Variants in POLG observed in about 807,000 individuals in gnomAD.
POLG encodes DNA polymerase gamma, catalytic subunit.
Under a neutral mutation model 155.4 loss-of-function variants are expected in POLG, and 110 were observed. The ratio of observed to expected loss-of-function variants is 0.71; its 90% CI spans 0.61 to 0.83. The LOEUF is 0.83. POLG is among the 40% of genes least tolerant of loss of function. POLG has a pLI of 0.00. For missense variants in POLG, 1,685 were observed against 1,627.5 expected (o/e 1.04, Z -0.61); for synonymous variants, 701 against 631.5 (o/e 1.11, Z -1.65).
chr15:89,331,323 T>C (rs900117119), intron 2 of POLG, among the ~76,000 whole-genome samples: 3 of 149,620 alleles, frequency 2.0e-5, no homozygotes, highest in African/African-American at 7.3e-5. Flanking sequence ...TAATTCAGCA[T>C]GTCAAAGCCC....
In POLG at chr15:89,325,163, T is replaced by A. The variant is rs867550474; in HGVS notation, c.1949+287A>T. Among the ~76,000 whole-genome samples, 105 of 48,136 alleles carry A rather than the reference T, an allele frequency of 2.2e-3. 11 individuals carry two copies. Among genetic ancestry groups the A allele is most frequent in the South Asian group, 5.2e-3 (7 of 1,348 alleles). The allele number at this position is 48,136 out of a possible 152,430, so 31.6% of individuals were successfully genotyped here. A position where few individuals can be genotyped will look rare whatever the true frequency, so the allele number is the denominator to read the frequency against. ...GTGAGAGAGTGAGTGAGTGAGTGAG[T>A]GAGTGAGAGAGTGAGAGAGTGAGTG... is the stretch of plus-strand genomic sequence containing the variant. On this transcript the variant is annotated intron_variant, in intron 10 of 22. Transcript: ENST00000268124.
rs147407423 is a variant in POLG, at chr15:89,325,562, G to A, written c.1837C>T (p.His613Tyr). The change falls in exon 10 of 23, where the codon CAC becomes TAC. Residue 613 changes from histidine to tyrosine, a missense_variant. This residue lies in a region of POLG where 1,210 missense variants were observed against 1,167.1 expected (regional missense o/e 1.04). Coordinates refer to ENST00000268124, the MANE Select transcript of POLG (RefSeq NM_002693.3). Reference protein sequence around the residue: ...MALTWDGFPLHYSERHGWGYL... With the variant: ...MALTWDGFPLYYSERHGWGYL... The stretch of plus-strand genomic sequence containing the variant: ...CCCCAGCCATGACGCTCTGAGTAGT[G>A]CAGAGGGAAGCCATCCCAGGTAAGT... 475 of 1,613,624 alleles carry A rather than the reference G, an allele frequency of 2.9e-4. 1 individual carries two copies. The African/African-American group carries it at 4.6e-3, about 16-fold the overall frequency.
At chr15:89,322,637 G>C (rs1204811515) in intron 14 of POLG, 105 bp downstream of exon 14, 7 of 1,280,902 alleles carry the variant, frequency 5.5e-6, no homozygotes, top group African/African-American at 2.9e-5. Flanking sequence ...CAGGCCTCTA[G>C]ACCATAGTCA....
chr15:89,333,450 C>T lies in POLG; in HGVS notation c.305G>A (p.Arg102His). The part of the protein sequence containing the change: ...GEMPGEAAVR[R>H]SVEHLQKHGL... ...GTGCTTCTGCAGGTGCTCGACGCTG[C>T]GGCGCACCGCGGCCTCGCCAGGCAT... is the stretch of plus-strand genomic sequence containing the variant. Residue 102 changes from arginine to histidine, a missense_variant, in exon 2 of 23, where the codon CGC becomes CAC. By Grantham distance (29) the Arg-to-His change is conservative (BLOSUM62 0). Transcript: ENST00000268124. 6.2e-7 allele frequency: 1 copy of T among 1,610,258 alleles called. No homozygotes were observed.
At position 89,327,014 on chromosome 15, in the gene POLG, A is replaced by G; in HGVS notation, c.1483T>C (p.Phe495Leu). ...LWDLEWDLQEFKQKKAKKVKK... is the reference protein window; with the variant it reads ...LWDLEWDLQELKQKKAKKVKK... Reference sequence around the variant, plus strand: ...ACCTTCTTAGCTTTCTTCTGCTTAAATTCTTGCAGGTCCCACTCCAGGTCC... The same window carrying G: ...ACCTTCTTAGCTTTCTTCTGCTTAAGTTCTTGCAGGTCCCACTCCAGGTCC... The change falls in exon 8 of 23, where the codon TTT becomes CTT. Residue 495 changes from phenylalanine (F) to leucine (L), a missense_variant. By Grantham distance (22) the Phe-to-Leu change is conservative. Transcript: ENST00000268124. 6.2e-7 allele frequency: 1 copy of G among 1,614,136 alleles called. No individual in the cohort carries two copies. The highest frequency in any genetic ancestry group is 8.5e-7 in the Non-Finnish European group (1 of 1,180,018).
intron 10 of POLG, among the ~76,000 whole-genome samples, chr15:89,325,053 T>TGAGAGAGAGA (rs1195443541): frequency 3.4e-5 from 3 of 87,614 alleles, no homozygotes; most frequent in African/African-American, 1.9e-4. Context: ...AGTGAGTGAG[T>TGAGAGAGAGA]GAGAGAGTGA....
At position 89,321,138 on chromosome 15, in the gene POLG, A is replaced by C; in HGVS notation, c.2721T>G (p.Phe907Leu). Residue 907 changes from phenylalanine (F) to leucine (L), a missense_variant, in exon 17 of 23, where the codon TTT becomes TTG. Around this residue, in one of 3 missense-constraint regions of POLG, gnomAD observed 470 missense variants for 439.9 expected, o/e 1.07. Transcript: ENST00000268124. The part of the protein sequence containing the change: ...WIAAVLGDAH[F>L]AGMHGCTAFG... ...GCTCCTGCTCACCATGCATGCCGGC[A>C]AAGTGGGCGTCTCCAAGCACAGCTG... 2 of 1,614,252 alleles carry C rather than the reference A, an allele frequency of 1.2e-6. No individual in the cohort carries two copies. Among genetic ancestry groups the C allele is most frequent in the Middle Eastern group, 1.6e-4 (1 of 6,062 alleles).
intron 6 of POLG, among the ~76,000 whole-genome samples, chr15:89,327,833 A>G (rs867524521): frequency 3.3e-5 from 5 of 152,200 alleles, no homozygotes; most frequent in Non-Finnish European, 5.9e-5. Flanking sequence ...AGCCTACTCA[A>G]CGTGAAGGAT....
intron 20 of POLG, 66 bp from the exon 21 acceptor site, chr15:89,318,815 A>G (rs1335117883): frequency 6.4e-6 from 10 of 1,556,902 alleles, no homozygotes. Context: ...CCAGGGTAGA[A>G]GCCCCAAGAG....
At chr15:89,324,953 C>G (rs1381367322) in intron 10 of POLG, among the ~76,000 whole-genome samples, 1 of 152,188 alleles carries the variant, frequency 6.6e-6, no homozygotes, top group Non-Finnish European at 1.5e-5. Context: ...GTCCTCCCCA[C>G]TGTGAACATC....
At chr15:89,321,591 A>G in intron 16 of POLG, 145 bp downstream of exon 16, 3 of 783,668 alleles carry the variant, frequency 3.8e-6, no homozygotes, top group Non-Finnish European at 6.8e-6. Context: ...AGAAATCATG[A>G]AGCCAGATTT....
At chr15:89,325,143 AGAGTGAGT>A (rs368838895) in intron 10 of POLG, among the ~76,000 whole-genome samples, 1,859 of 49,026 alleles carry the variant, frequency 0.038, 366 homozygotes, top group African/African-American at 0.097. Flanking sequence ...AGTGAGTGAG[AGAGTGAGT>A]GAGTGAGTGA....
chr15:89,323,870 G>A lies in POLG; in HGVS notation c.2102C>T (p.Ala701Val), dbSNP rs1377392750. The change falls in exon 12 of 23, where the codon GCT (alanine) becomes GTT (valine). Residue 701 changes from alanine (A) to valine (V), a missense_variant. Ala to Val is a moderately conservative substitution (Grantham distance 64). Around this residue, in one of 3 missense-constraint regions of POLG, gnomAD observed 1,210 missense variants for 1,167.1 expected, o/e 1.04. Coordinates refer to ENST00000268124, the MANE Select transcript of POLG (RefSeq NM_002693.3). ...VEELDYLEVE[A>V]EAKMENLRAA... ...TCGCAAGTTCTCCATCTTGGCCTCA[G>A]CCTCCACTTCTAAGTAATCCAGTTC... The A allele has an allele frequency of 2.5e-6, 4 of 1,614,032 alleles. No individual in the cohort carries two copies. Among genetic ancestry groups the A allele is most frequent in the East Asian group, 2.2e-5 (1 of 44,868 alleles).
chr15:89,330,355 G>T, intron 2 of POLG, 79 bp from the exon 3 acceptor site: 1 of 1,096,024 alleles, frequency 9.1e-7, no homozygotes, highest in Non-Finnish European at 1.3e-6. Flanking sequence ...CACACCTACC[G>T]CCACATGCCA....
intron 14 of POLG, 46 bp downstream of exon 14, chr15:89,322,696 G>A: frequency 1.3e-6 from 2 of 1,598,370 alleles, no homozygotes; most frequent in Non-Finnish European, 1.7e-6. Context: ...CCCTGGGTGG[G>A]AAGAGAGGGG....
At chr15:89,326,763 A>G (rs962715359) in intron 8 of POLG, 25 bp from the exon 9 acceptor site, 2 of 1,614,052 alleles carry the variant, frequency 1.2e-6, no homozygotes, top group South Asian at 2.2e-5. Context: ...GAAGACAATC[A>G]GGAGCAGGAG....
chr15:89,323,293 C>A (rs2055424758), intron 13 of POLG, 111 bp downstream of exon 13: 2 of 737,432 alleles, frequency 2.7e-6, no homozygotes, highest in Non-Finnish European at 4.9e-6. Context: ...TGTCCCACTA[C>A]TAGTCATTCC....
intron 21 of POLG, 110 bp downstream of exon 21, chr15:89,318,431 A>C: frequency 1.3e-6 from 1 of 784,094 alleles, no homozygotes; most frequent in East Asian, 2.6e-5. Flanking sequence ...TGAAACATTC[A>C]CTTCTAGGGG....
intron 2 of POLG, among the ~76,000 whole-genome samples, chr15:89,332,032 T>G (rs2055600741): frequency 6.6e-6 from 1 of 152,254 alleles, no homozygotes; most frequent in South Asian, 2.1e-4. Context: ...CAAATCTTTC[T>G]TGTCACTGGT....
Sources: allele counts gnomAD v4.1 joint callset (sites outside exome capture counted in the v4.1 genomes callset), GRCh38; gene constraint gnomAD v4.1.1; regional missense constraint gnomAD v4.1.1; transcripts MANE v1.5; gene names NCBI Gene and HGNC (gene_info 2026-07-23, HGNC 2026-07-21).